DENND1C: variants seen among roughly 807,000 people sequenced by gnomAD.
DENND1C encodes DENN domain-containing protein 1C.
In DENND1C, 64 loss-of-function variants were observed where a neutral mutation model predicts 87.9. That is an observed-to-expected ratio of 0.73 (90% CI 0.60 to 0.90). The LOEUF (loss-of-function observed/expected upper bound fraction) is 0.90. DENND1C is among the 40% of genes least tolerant of loss of function. The probability of loss-of-function intolerance (pLI) is 0.00; values close to 1 mark genes in which losing one functional copy is unlikely to be tolerated. For missense variants in DENND1C, 980 were observed against 1,037.0 expected (o/e 0.95, Z 0.76); for synonymous variants, 384 against 424.4 (o/e 0.90, Z 1.17).
At chr19:6,480,559 C>T (rs7252857) in intron 1 of DENND1C, 3,374 of 142,050 alleles carry the variant, frequency 0.024, 41 homozygotes, top group Admixed American at 0.053. Context: ...TCCACCCACC[C>T]ACCTATCTAT....
In DENND1C at chr19:6,471,406, C is replaced by T. The variant is rs1354398849; in HGVS notation, c.1249G>A (p.Gly417Arg). 6.3e-7 allele frequency: 1 copy of T among 1,585,600 alleles called. No individual in the cohort carries two copies. Among genetic ancestry groups the T allele is most frequent in the Non-Finnish European group, 8.6e-7 (1 of 1,166,204 alleles). The change falls in exon 16 of 23, where the codon GGG (glycine) becomes AGG (arginine). Residue 417 changes from glycine to arginine, a missense_variant and splice_region_variant. Coordinates refer to ENST00000381480, the MANE Select transcript of DENND1C (RefSeq NM_024898.4). ...QEITGCGASS[G>R]ALRSYQLWAD... ...CCCAGGGGCTGGACTCAGGGCTCAC[C>T]TGAGGAGGCCCCGCAGCCAGTGATC...
At chr19:6,473,118 A>C in intron 14 of DENND1C, 125 bp from the exon 15 acceptor site, 1 of 623,946 alleles carries the variant, frequency 1.6e-6, no homozygotes. Context: ...GTGGGGCCTC[A>C]TGGATGGCAG....
At chr19:6,481,616 G>T in intron 1 of DENND1C, 63 bp downstream of exon 1, 1 of 1,607,452 alleles carries the variant, frequency 6.2e-7, no homozygotes, top group Admixed American at 1.7e-5. Context: ...GCTCCCCTCT[G>T]CCCCGGCTCA....
intron 10 of DENND1C, 68 bp downstream of exon 10, chr19:6,476,789 C>A: frequency 6.7e-7 from 1 of 1,488,516 alleles, no homozygotes; most frequent in Non-Finnish European, 9.0e-7. Context: ...GGAATCAGCC[C>A]CCTTGTCCCG....
intron 22 of DENND1C, 37 bp downstream of exon 22, chr19:6,468,197 C>G: frequency 6.2e-7 from 1 of 1,612,186 alleles, no homozygotes; most frequent in Non-Finnish European, 8.5e-7. Flanking sequence ...TAGGGGAAGA[C>G]TTGGGGTAGG....
At chr19:6,481,572 G>T in intron 1 of DENND1C, 107 bp downstream of exon 1, 1 of 1,536,330 alleles carries the variant, frequency 6.5e-7, no homozygotes, top group Non-Finnish European at 8.8e-7. Flanking sequence ...TGCCCTGGCA[G>T]GTCACTGCAC....
chr19:6,470,144 A>G, intron 18 of DENND1C, 151 bp downstream of exon 18: 1 of 718,720 alleles, frequency 1.4e-6, no homozygotes. Context: ...AGAGTTGTTA[A>G]TGGTTTAACT....
At chr19:6,479,832 G>T (rs866734762) in intron 3 of DENND1C, 27 bp downstream of exon 3, 2 of 1,612,864 alleles carry the variant, frequency 1.2e-6, no homozygotes, top group Middle Eastern at 1.7e-4. Context: ...CCCTCGCCCT[G>T]GGGGAGCAAG....
Position 6,467,895 on chromosome 19 carries a change from G to C in DENND1C, c.2015C>G (p.Pro672Arg). 1.2e-6 allele frequency: 2 copies of C among 1,613,094 alleles called. No individual in the cohort carries two copies. The highest frequency in any genetic ancestry group is 1.7e-6 in the Non-Finnish European group (2 of 1,179,494). Residue 672 changes from proline to arginine, a missense_variant, in exon 23 of 23, where the codon CCC becomes CGC. Transcript: ENST00000381480. ...ADPSIWGDPK[P>R]SPLTEPLILH... ...AATTAGGGGCTCTGTGAGAGGAGAG[G>C]GTTTGGGGTCCCCCCAGATGCTTGG... is the stretch of plus-strand genomic sequence containing the variant.
At chr19:6,480,957 A>T (rs1026517175) in intron 1 of DENND1C, among the ~76,000 whole-genome samples, 2 of 151,752 alleles carry the variant, frequency 1.3e-5, no homozygotes, top group Admixed American at 1.3e-4. Context: ...GAGCAAGTGA[A>T]TGACATCTAT....
intron 18 of DENND1C, 128 bp from the exon 19 acceptor site, chr19:6,469,768 C>T (rs2092817718): frequency 1.1e-6 from 1 of 886,238 alleles, no homozygotes; most frequent in South Asian, 1.5e-5. Flanking sequence ...TTCACCACCC[C>T]CCATACACCA....
intron 14 of DENND1C, among the ~76,000 whole-genome samples, chr19:6,474,831 G>A (rs1032036234): frequency 2.6e-5 from 4 of 152,060 alleles, no homozygotes; most frequent in Non-Finnish European, 4.4e-5. Context: ...AACTTTAGGA[G>A]CCTGATGCGG....
At chr19:6,480,244 A>C (rs1913453991) in intron 1 of DENND1C, 193 bp from the exon 2 acceptor site, 1 of 1,448,636 alleles carries the variant, frequency 6.9e-7, no homozygotes, top group African/African-American at 1.4e-5. Flanking sequence ...TGAACACACA[A>C]GTACAGGATG....
rs750292268 is a variant in DENND1C at position 6,475,255 on chromosome 19, C to T, written c.1053+19G>A. On this transcript the variant is annotated intron_variant, in intron 14 of 22. Coordinates refer to ENST00000381480, the MANE Select transcript of DENND1C (RefSeq NM_024898.4). Reference sequence around the variant, plus strand: ...TCAGGAACCCACGAGACCTCTCCCGCAGCGTCCCCGCTGCTCACCGGGCTG... The same window carrying T: ...TCAGGAACCCACGAGACCTCTCCCGTAGCGTCCCCGCTGCTCACCGGGCTG... 6.2e-7 allele frequency: 1 copy of T among 1,612,212 alleles called. No individual in the cohort carries two copies. The highest frequency in any genetic ancestry group is 1.3e-5 in the African/African-American group (1 of 74,942).
At chr19:6,469,934 G>A in intron 18 of DENND1C, 1 of 486,142 alleles carries the variant, frequency 2.1e-6, no homozygotes, top group South Asian at 2.8e-5. Flanking sequence ...GGACAATTTT[G>A]AGCTGCAAAA....
In DENND1C at chr19:6,467,675, C is replaced by T; in HGVS notation, c.2235G>A (p.Glu745=). The T allele has an allele frequency of 6.6e-7, 1 of 1,524,012 alleles. No individual in the cohort carries two copies. The highest frequency in any genetic ancestry group is 8.8e-7 in the Non-Finnish European group (1 of 1,138,742). The allele number at this position is 1,524,012 out of a possible 1,614,324, so 94.4% of individuals were successfully genotyped here. The change falls in exon 23 of 23, where the codon GAG becomes GAA. Residue 745 remains glutamate (E), a synonymous_variant. Coordinates refer to ENST00000381480, the MANE Select transcript of DENND1C (RefSeq NM_024898.4). The part of the protein sequence containing the change: ...LDPSSDPSSL[E]DPRARPPKAL... ...CTTTGGGAGGCCGGGCTCTGGGGTCCTCCAGAGAACTGGGGTCTGAGGAAG... is the reference window on the plus strand; with the variant it reads ...CTTTGGGAGGCCGGGCTCTGGGGTCTTCCAGAGAACTGGGGTCTGAGGAAG...
rs1328802103 is a variant in DENND1C at position 6,468,436 on chromosome 19, G to A, written c.1589C>T (p.Pro530Leu). Residue 530 changes from proline to leucine, a missense_variant, in exon 22 of 23, where the codon CCC becomes CTC. By Grantham distance (98) the Pro-to-Leu change is moderately conservative. Transcript: ENST00000381480. ...CCCCTCATCCTCAGGGCTCAGTGGG[G>A]GTGTCCTGGGTGAGGATGGGCAGCC... is the stretch of plus-strand genomic sequence containing the variant. ...GTSEPPGAGT[P>L]PLSPEDEGCP... 6.2e-7 allele frequency: 1 copy of A among 1,611,524 alleles called. No homozygotes were observed. The highest frequency in any genetic ancestry group is 1.1e-5 in the South Asian group (1 of 90,522).
At chr19:6,471,020 T>G in intron 17 of DENND1C, among the ~76,000 whole-genome samples, 1 of 151,728 alleles carries the variant, frequency 6.6e-6, no homozygotes, top group East Asian at 1.9e-4. Context: ...AGTGGCATGA[T>G]CTCGGCTCAC....
At position 6,467,944 on chromosome 19, in the gene DENND1C, GGGAT is replaced by G. The variant is rs1457718484; in HGVS notation, c.1962_1965del (p.Gln656ProfsTer23). ...GGGTCTGCAGAAGCTGTTGAGGACT[GGGAT>G]GGAGACGTGACTTCTTGGTCGGACT... On this transcript the variant is annotated frameshift_variant, in exon 23 of 23. Transcript: ENST00000381480. LOFTEE classifies it low-confidence loss of function (END_TRUNC). 2 of 1,613,774 alleles carry G rather than the reference GGGAT, an allele frequency of 1.2e-6. No individual in the cohort carries two copies. The highest frequency in any genetic ancestry group is 1.7e-6 in the Non-Finnish European group (2 of 1,179,860).
Sources: allele counts gnomAD v4.1 joint callset (sites outside exome capture counted in the v4.1 genomes callset), GRCh38; gene constraint gnomAD v4.1.1; transcripts MANE v1.5; gene names NCBI Gene and HGNC (gene_info 2026-07-23, HGNC 2026-07-21).